DNAH12: variants seen among roughly 807,000 people sequenced by gnomAD.
DNAH12 encodes the protein axonemal beta dynein heavy chain 12.
A neutral mutation model predicts 371.5 loss-of-function variants in DNAH12; 285 were observed. That is an observed-to-expected ratio of 0.77 (90% CI 0.70 to 0.85). The LOEUF (loss-of-function observed/expected upper bound fraction) is 0.85, where lower values mean the gene tolerates loss of function less well. DNAH12 is among the 40% of genes least tolerant of loss of function. DNAH12 has a pLI of 0.00. For synonymous variants in DNAH12, 1,200 were observed against 1,213.0 expected, an observed-to-expected ratio of 0.99 and a Z score of 0.22; for missense variants, 3,611 against 3,689.4, an observed-to-expected ratio of 0.98 and a Z score of 0.55.
At chr3:57,419,292 CT>C in intron 37 of DNAH12, 74 bp downstream of exon 37, 1 of 1,367,896 alleles carries the variant, frequency 7.3e-7, no homozygotes, top group Non-Finnish European at 9.7e-7. Context: ...ATCTCGAATA[CT>C]TCAAAAATTG....
intron 4 of DNAH12, among the ~76,000 whole-genome samples, chr3:57,514,587 T>C (rs1292628526): frequency 4.6e-5 from 7 of 151,960 alleles, no homozygotes; most frequent in Non-Finnish European, 7.4e-5. Flanking sequence ...TATGGGGGCA[T>C]GGGAACAGGG....
In DNAH12 at chr3:57,437,028, A is replaced by G. The variant is rs537077851; in HGVS notation, c.4578T>C (p.Asn1526=). The change falls in exon 30 of 74, where the codon AAT becomes AAC. Residue 1526 remains asparagine (N), a synonymous_variant. Transcript: ENST00000495027. ...ATTTAACAGGCTGAAGATTATGTAC[A>G]TTGCAGGCTTCATGAGCACATTCCA... ...EFLECAHEAC[N]VHNLQPVKFF... 3.5e-5 allele frequency: 53 copies of G among 1,517,632 alleles called. No individual in the cohort carries two copies. The East Asian group carries it at 3.5e-4, about 10-fold the overall frequency. 94.0% of individuals were successfully genotyped at this position (1,517,632 alleles called of 1,614,324 possible). A position where few individuals can be genotyped will look rare whatever the true frequency, so the allele number is the denominator to read the frequency against.
chr3:57,398,828 C>T (rs1316191614), intron 43 of DNAH12, among the ~76,000 whole-genome samples: 1 of 152,076 alleles, frequency 6.6e-6, no homozygotes, highest in Non-Finnish European at 1.5e-5. Context: ...AACAAAAGAA[C>T]CTAGAATGTA....
intron 37 of DNAH12, among the ~76,000 whole-genome samples, chr3:57,418,395 C>T (rs1294020395): frequency 2.7e-4 from 33 of 122,988 alleles, no homozygotes; most frequent in Non-Finnish European, 2.3e-4. Flanking sequence ...AAAAAAAAAG[C>T]CAGGCATAGT....
At chr3:57,327,231 G>A (rs373552440) in intron 62 of DNAH12, among the ~76,000 whole-genome samples, 5 of 151,970 alleles carry the variant, frequency 3.3e-5, no homozygotes, top group African/African-American at 9.7e-5. Flanking sequence ...TACAGAACTC[G>A]CCACCCCAAA....
At chr3:57,498,298 A>C (rs1448800096) in intron 11 of DNAH12, 1 of 573,762 alleles carries the variant, frequency 1.7e-6, no homozygotes, top group Non-Finnish European at 3.1e-6. Flanking sequence ...ATGGTATAAC[A>C]ACTTTGAAAG....
chr3:57,416,991 C>T (rs113786357), intron 37 of DNAH12, among the ~76,000 whole-genome samples: 3,216 of 152,276 alleles, frequency 0.021, 95 homozygotes, highest in African/African-American at 0.073. Flanking sequence ...TGGCACACGC[C>T]TGTAATCCCA....
Position 57,421,519 on chromosome 3 carries a change from T to C in DNAH12, c.5561A>G (p.Glu1854Gly). The C allele has an allele frequency of 6.4e-7, 1 of 1,551,560 alleles. No individual in the cohort carries two copies. Among genetic ancestry groups the C allele is most frequent in the Non-Finnish European group, 8.7e-7 (1 of 1,146,914 alleles). The change falls in exon 36 of 74, where the codon GAG becomes GGG. Residue 1854 changes from glutamate (E) to glycine (G), a missense_variant and splice_region_variant. Glu to Gly is a moderately conservative substitution (Grantham distance 98). Around this residue, in one of 3 missense-constraint regions of DNAH12, gnomAD observed 2,266 missense variants for 2,236.9 expected, o/e 1.01. Coordinates refer to ENST00000495027, the MANE Select transcript of DNAH12 (RefSeq NM_001366028.2). Reference protein sequence around the residue: ...EKGLVYDYMYELKNKGRWVHW... With the variant: ...EKGLVYDYMYGLKNKGRWVHW... Reference sequence around the variant, plus strand: ...CATAACAAGCTTTTTATGTCATACCTCATACATGTAGTCATAGACCAGGCC... The same window carrying C: ...CATAACAAGCTTTTTATGTCATACCCCATACATGTAGTCATAGACCAGGCC...
At chr3:57,547,236 A>T (rs1371234072), upstream of DNAH12, among the ~76,000 whole-genome samples, 2 of 130,410 alleles carry the variant, frequency 1.5e-5, no homozygotes, top group African/African-American at 5.9e-5. Context: ...AGATATAGAT[A>T]TAGATGATAT....
At chr3:57,436,855 C>T (rs2065142693) in intron 30 of DNAH12, 96 bp downstream of exon 30, 2 of 877,700 alleles carry the variant, frequency 2.3e-6, no homozygotes, top group Non-Finnish European at 3.3e-6. Flanking sequence ...TCTCAACTCA[C>T]CTAATCAGTT....
At chr3:57,314,785 T>G (rs1228526374) in intron 65 of DNAH12, among the ~76,000 whole-genome samples, 154 bp from the exon 66 acceptor site, 2 of 152,206 alleles carry the variant, frequency 1.3e-5, no homozygotes, top group Non-Finnish European at 2.9e-5. Flanking sequence ...AAAATAATAC[T>G]TACTATAAAT....
Position 57,483,370 on chromosome 3 carries a change from C to T in DNAH12, c.1650+6G>A, listed in dbSNP as rs9863860. On this transcript the variant is annotated splice_donor_region_variant and intron_variant, in intron 13 of 73. Transcript: ENST00000495027. Reference sequence around the variant, plus strand: ...AAACCAAAATATGCAAATTAAAATTCCTTACCTGGATCCTTAAAATCAACT... The same window carrying T: ...AAACCAAAATATGCAAATTAAAATTTCTTACCTGGATCCTTAAAATCAACT... 1,037,661 of 1,538,730 alleles carry T rather than the reference C, an allele frequency of 0.67. 351,652 individuals carry two copies. Among genetic ancestry groups the T allele is most frequent in the South Asian group, 0.76 (61,249 of 80,872 alleles).
intron 9 of DNAH12, 81 bp downstream of exon 9, chr3:57,503,935 A>T (rs1575698106): frequency 9.4e-7 from 1 of 1,061,522 alleles, no homozygotes; most frequent in South Asian, 2.5e-5. Context: ...AAGAGTCATA[A>T]CATTGTATGT....
At chr3:57,357,053 A>G (rs1298760053) in intron 59 of DNAH12, 123 bp downstream of exon 59, 1 of 152,018 alleles carries the variant, frequency 6.6e-6, no homozygotes, top group Non-Finnish European at 1.5e-5. Flanking sequence ...ATTTTTCCAC[A>G]TTTTTAATGT....
chr3:57,489,432 T>G, intron 12 of DNAH12, 77 bp downstream of exon 12: 4 of 1,377,166 alleles, frequency 2.9e-6, no homozygotes, highest in Non-Finnish European at 3.8e-6. Context: ...TAAGCTTTTG[T>G]TTTTAAACAA....
At chr3:57,424,872 G>C in intron 35 of DNAH12, 150 bp downstream of exon 35, 1 of 510,894 alleles carries the variant, frequency 2.0e-6, no homozygotes, top group South Asian at 3.6e-5. Flanking sequence ...AGAATACCAG[G>C]TGTTAGGGCA....
intron 37 of DNAH12, among the ~76,000 whole-genome samples, chr3:57,417,696 T>C (rs912049846): frequency 1.1e-4 from 16 of 152,172 alleles, no homozygotes; most frequent in Non-Finnish European, 7.3e-5. Flanking sequence ...TGTTACAGTA[T>C]CTCAAAAATA....
At chr3:57,420,122 A>G (rs140388351) in intron 36 of DNAH12, among the ~76,000 whole-genome samples, 178 of 152,354 alleles carry the variant, frequency 1.2e-3, no homozygotes, top group African/African-American at 4.0e-3. Flanking sequence ...TATGATACTG[A>G]AATTCTTCTG....
At chr3:57,462,188 T>C (rs905032090) in intron 18 of DNAH12, among the ~76,000 whole-genome samples, 3 of 152,190 alleles carry the variant, frequency 2.0e-5, no homozygotes, top group Admixed American at 6.5e-5. Flanking sequence ...AAAGGAGTCA[T>C]TTCTCGTCTG....
Sources: gnomAD v4.1 joint callset for allele counts (sites outside exome capture counted in the v4.1 genomes callset) on GRCh38, gnomAD v4.1.1 for gene constraint, gnomAD v4.1.1 regional missense constraint, MANE v1.5 for transcripts, NCBI Gene and HGNC (gene_info 2026-07-23, HGNC 2026-07-21) for gene names.